GALK2: variants seen among roughly 807,000 people sequenced by gnomAD.
GALK2 encodes galactokinase 2, also known as N-acetylgalactosamine kinase.
Under a neutral mutation model 52.4 loss-of-function variants are expected in GALK2, and 36 were observed. The ratio of observed to expected loss-of-function variants is 0.69; its 90% CI spans 0.53 to 0.91. The LOEUF (loss-of-function observed/expected upper bound fraction) is 0.91. Ranked by LOEUF, GALK2 falls within the 40% of genes least tolerant of loss-of-function variation. The probability of loss-of-function intolerance (pLI) is 0.00; values close to 1 mark genes in which losing one functional copy is unlikely to be tolerated. For synonymous variants in GALK2, 176 were observed against 199.1 expected (o/e 0.88, Z 0.98); for missense variants, 579 against 559.1 (o/e 1.04, Z -0.36).
chr15:49,177,662 C>A, intron 1 of GALK2: 1 of 319,054 alleles, frequency 3.1e-6, no homozygotes, highest in South Asian at 4.7e-5. Flanking sequence ...GTGAGAATCA[C>A]CAGGAGTGTG....
chr15:49,160,838 C>T (rs942870650), intron 1 of GALK2, among the ~76,000 whole-genome samples: 2 of 151,480 alleles, frequency 1.3e-5, no homozygotes, highest in Non-Finnish European at 2.9e-5. Context: ...CGTGCCACTG[C>T]ACTCTAGCCT....
chr15:49,309,896 G>C (rs1156536170), intron 8 of GALK2, among the ~76,000 whole-genome samples: 1 of 152,164 alleles, frequency 6.6e-6, no homozygotes, highest in African/African-American at 2.4e-5. Context: ...ATGAGCCACT[G>C]TGCTGGACCT....
chr15:49,220,243 C>T (rs1022830436), intron 3 of GALK2, among the ~76,000 whole-genome samples: 3 of 151,914 alleles, frequency 2.0e-5, no homozygotes, highest in Admixed American at 2.0e-4. Flanking sequence ...TACCTATTTG[C>T]CAACCTCTTT....
intron 3 of GALK2, among the ~76,000 whole-genome samples, chr15:49,223,403 G>A (rs1358349101): frequency 1.3e-5 from 2 of 151,914 alleles, no homozygotes; most frequent in African/African-American, 4.8e-5. Context: ...TTAGATTCAG[G>A]GGTTACATGT....
chr15:49,186,295 T>C (rs977583264), intron 1 of GALK2, among the ~76,000 whole-genome samples: 1 of 151,988 alleles, frequency 6.6e-6, no homozygotes, highest in Non-Finnish European at 1.5e-5. Context: ...TGCTATATTC[T>C]TTTTTATTCT....
intron 5 of GALK2, among the ~76,000 whole-genome samples, chr15:49,261,522 A>G (rs907149273): frequency 1.3e-5 from 2 of 152,292 alleles, no homozygotes; most frequent in East Asian, 1.9e-4. Context: ...AACAGGGACA[A>G]TTTGACTTCC....
At chr15:49,336,134 T>G (rs937439227), downstream of GALK2, among the ~76,000 whole-genome samples, 6 of 152,214 alleles carry the variant, frequency 3.9e-5, no homozygotes, top group African/African-American at 1.4e-4. Flanking sequence ...CTGAGAACCT[T>G]AAAGACTCTT....
intron 8 of GALK2, among the ~76,000 whole-genome samples, chr15:49,295,301 A>C (rs1017296190): frequency 6.8e-6 from 1 of 147,092 alleles, no homozygotes. Flanking sequence ...GTAAGATGAC[A>C]AGCTCATTTC....
intron 3 of GALK2, among the ~76,000 whole-genome samples, chr15:49,229,303 C>A (rs1258962330): frequency 6.6e-6 from 1 of 152,142 alleles, no homozygotes; most frequent in African/African-American, 2.4e-5. Context: ...TGGATCCTGG[C>A]AGTTGTAGCA....
chr15:49,351,310 C>T lies in GALK2; in HGVS notation c.427-16181C>T, dbSNP rs2151302300. Among the ~76,000 whole-genome samples, 4 of 152,328 alleles carry T rather than the reference C, an allele frequency of 2.6e-5. No homozygotes were observed. The East Asian group carries it at 7.7e-4, about 29-fold the overall frequency. On this transcript the variant is annotated intron_variant, in intron 3 of 3. Coordinates refer to the GALK2 transcript ENST00000558399. Reference sequence around the variant, plus strand: ...GTTAGTTTAATTCAGTACTTAGCCACTCCTTTTAGATCATGTTAAAGTCTT... The same window carrying T: ...GTTAGTTTAATTCAGTACTTAGCCATTCCTTTTAGATCATGTTAAAGTCTT...
chr15:49,220,791 A>G (rs2141400886), intron 3 of GALK2, among the ~76,000 whole-genome samples: 1 of 152,216 alleles, frequency 6.6e-6, no homozygotes, highest in Middle Eastern at 3.4e-3. Context: ...GGGTAAGATG[A>G]TGTCTCATTG....
chr15:49,302,054 CAG>C (rs1400508529), intron 8 of GALK2, among the ~76,000 whole-genome samples: 7 of 152,188 alleles, frequency 4.6e-5, no homozygotes, highest in Non-Finnish European at 1.0e-4. Context: ...GATGAAGAAA[CAG>C]AGGTGAGAGA....
chr15:49,366,490 C>T, intron 3 of GALK2: 1 of 1,192,702 alleles, frequency 8.4e-7, no homozygotes, highest in Non-Finnish European at 1.3e-6. Context: ...AAGTCAGATT[C>T]ATCAAACTAA....
rs1438592502 is a variant in GALK2 at position 49,235,229 on chromosome 15, T to G, written c.267-622T>G. Among the ~76,000 whole-genome samples, 8 of 152,232 alleles carry G rather than the reference T, an allele frequency of 5.3e-5. No homozygotes were observed. In the East Asian group the frequency reaches 1.5e-3, roughly 29 times the overall value. ...TCCTGAAACAAATTATCATACAGTT[T>G]ACCATGTAGTGACTTTTCTATTCAC... On this transcript the variant is annotated intron_variant, in intron 3 of 9. Coordinates refer to ENST00000560031, the MANE Select transcript of GALK2 (RefSeq NM_002044.4).
chr15:49,195,158 G>A (rs758760998), intron 1 of GALK2: 7 of 449,178 alleles, frequency 1.6e-5, no homozygotes, highest in South Asian at 3.1e-5. Context: ...TGCAACCTCC[G>A]CCTCCTGGGT....
At chr15:49,233,401 T>C (rs1261145194) in intron 3 of GALK2, among the ~76,000 whole-genome samples, 1 of 152,168 alleles carries the variant, frequency 6.6e-6, no homozygotes, top group Admixed American at 6.5e-5. Context: ...GAATCACAAC[T>C]TGGCATGAGA....
intron 1 of GALK2, among the ~76,000 whole-genome samples, chr15:49,161,151 A>G (rs1289008876): frequency 1.3e-5 from 2 of 152,250 alleles, no homozygotes; most frequent in Non-Finnish European, 2.9e-5. Flanking sequence ...TTTTAAATGT[A>G]ATGCCTTATT....
At chr15:49,297,721 C>T (rs942869052) in intron 8 of GALK2, among the ~76,000 whole-genome samples, 2 of 152,114 alleles carry the variant, frequency 1.3e-5, no homozygotes, top group African/African-American at 4.8e-5. Flanking sequence ...TTGACTTCGT[C>T]AAAGATCAGA....
intron 5 of GALK2, among the ~76,000 whole-genome samples, chr15:49,265,421 G>A (rs994537952): frequency 1.3e-5 from 2 of 152,194 alleles, no homozygotes; most frequent in African/African-American, 2.4e-5. Flanking sequence ...TAAGCCCGTC[G>A]GAAAAGCGCA....
Sources: allele counts gnomAD v4.1 joint callset (sites outside exome capture counted in the v4.1 genomes callset), GRCh38; gene constraint gnomAD v4.1.1; transcripts MANE v1.5; gene names NCBI Gene and HGNC (gene_info 2026-07-23, HGNC 2026-07-21).